COX10: variants seen among roughly 807,000 people sequenced by gnomAD.
COX10 encodes protoheme IX farnesyltransferase, mitochondrial.
In COX10, 27 loss-of-function variants were observed where a neutral mutation model predicts 37.3. The observed-to-expected ratio is 0.72, with a 90% CI of 0.53 to 1.00. The LOEUF (loss-of-function observed/expected upper bound fraction) is 1.00. COX10 is among the 50% of genes least tolerant of loss of function. The pLI is 0.00. For missense variants in COX10, 475 were observed against 563.2 expected (o/e 0.84, Z 1.59); for synonymous variants, 222 against 229.1 (o/e 0.97, Z 0.28).
intron 3 of COX10, among the ~76,000 whole-genome samples, chr17:14,084,123 C>T (rs982714184): frequency 1.3e-5 from 2 of 151,936 alleles, no homozygotes; most frequent in East Asian, 1.9e-4. Flanking sequence ...CATTTTAGAT[C>T]ACTTGTATAG....
At chr17:14,092,633 T>C (rs1244907561) in intron 3 of COX10, among the ~76,000 whole-genome samples, 1 of 152,172 alleles carries the variant, frequency 6.6e-6, no homozygotes, top group East Asian at 1.9e-4. Context: ...TTCTCTGATA[T>C]GTCTCTTGAG....
rs535633198 is a variant in COX10, at chr17:14,171,443, T to C, written c.695+11496T>C. ...GACTAAGGCACACTTCTGTGTCTTG[T>C]GGGGTTCTGAGTCATGAAGCACCTC... On this transcript the variant is annotated intron_variant, in intron 5 of 6. Coordinates refer to ENST00000261643, the MANE Select transcript of COX10 (RefSeq NM_001303.4). Among the ~76,000 whole-genome samples, 33 of 151,698 alleles carry C rather than the reference T, an allele frequency of 2.2e-4. No homozygotes were observed. In the South Asian group the frequency reaches 6.9e-3, roughly 32 times the overall value.
Position 14,069,620 on chromosome 17 carries a change from G to A in COX10, c.15G>A (p.Pro5=), listed in dbSNP as rs755668780. ...ACTCGTAAATTATGGCCGCATCTCC[G>A]CACACTCTCTCCTCACGCCTCCTGA... is the stretch of plus-strand genomic sequence containing the variant. The part of the protein sequence containing the change: MAAS[P]HTLSSRLLTG... Residue 5 remains proline (P), a synonymous_variant, in exon 1 of 7, where the codon CCG becomes CCA. Coordinates refer to ENST00000261643, the MANE Select transcript of COX10 (RefSeq NM_001303.4). 2.5e-6 allele frequency: 4 copies of A among 1,614,062 alleles called. No individual in the cohort carries two copies. In the East Asian group the frequency reaches 6.7e-5, roughly 27 times the overall value.
chr17:14,151,834 C>T (rs894237932), intron 4 of COX10, among the ~76,000 whole-genome samples: 2 of 152,124 alleles, frequency 1.3e-5, no homozygotes, highest in African/African-American at 2.4e-5. Flanking sequence ...AGAATATGGA[C>T]TCTAACAGGC....
rs1905206061 is a variant in COX10, at chr17:14,163,242, T to TTTATTTA, written c.695+3298_695+3304dup. Among the ~76,000 whole-genome samples the TTTATTTA allele has an allele frequency of 8.0e-5, 12 of 150,414 alleles. No homozygotes were observed. The South Asian group carries it at 2.5e-3, about 32-fold the overall frequency. ...GCATGGCATAAGACAGGAAAATTTA[T>TTTATTTA]TTATTTATTTATTTATTTATTTATT... On this transcript the variant is annotated intron_variant, in intron 5 of 6. Coordinates refer to ENST00000261643, the MANE Select transcript of COX10 (RefSeq NM_001303.4).
chr17:14,130,433 C>A (rs1916438146), intron 4 of COX10, among the ~76,000 whole-genome samples: 1 of 152,032 alleles, frequency 6.6e-6, no homozygotes, highest in African/African-American at 2.4e-5. Flanking sequence ...ACAAATAATA[C>A]ATATAATAAT....
At chr17:14,144,369 G>C (rs1251589545) in intron 4 of COX10, among the ~76,000 whole-genome samples, 1 of 152,060 alleles carries the variant, frequency 6.6e-6, no homozygotes, top group African/African-American at 2.4e-5. Flanking sequence ...CCTTGTTAAT[G>C]TTGTCAGTAA....
At chr17:14,095,002 GA>G (rs769018924) in intron 3 of COX10, among the ~76,000 whole-genome samples, 21 of 149,256 alleles carry the variant, frequency 1.4e-4, no homozygotes, top group Non-Finnish European at 2.7e-4. Flanking sequence ...GTTGTGCTAA[GA>G]AAAAAAAAAG....
At chr17:14,163,300 G>T (rs984218958) in intron 5 of COX10, among the ~76,000 whole-genome samples, 1 of 151,374 alleles carries the variant, frequency 6.6e-6, no homozygotes, top group African/African-American at 2.4e-5. Context: ...CTCTTGCCCA[G>T]GCTAGAGTGA....
intron 4 of COX10, 127 bp from the exon 5 acceptor site, chr17:14,159,750 C>T: frequency 2.9e-6 from 2 of 692,318 alleles, no homozygotes; most frequent in East Asian, 2.8e-5. Context: ...CAAGAAGTGC[C>T]AGGGTATTGA....
intron 4 of COX10, among the ~76,000 whole-genome samples, chr17:14,110,416 G>A (rs1464396181): frequency 6.6e-6 from 1 of 151,968 alleles, no homozygotes; most frequent in Non-Finnish European, 1.5e-5. Flanking sequence ...GTGGAAAAGG[G>A]TGATTCAAAA....
At chr17:14,168,478 C>T (rs1322847642) in intron 5 of COX10, among the ~76,000 whole-genome samples, 1 of 152,212 alleles carries the variant, frequency 6.6e-6, no homozygotes, top group Non-Finnish European at 1.5e-5. Context: ...TATGGGGGCT[C>T]CAACCCCACA....
intron 5 of COX10, among the ~76,000 whole-genome samples, chr17:14,184,468 G>A (rs1382337218): frequency 1.3e-5 from 2 of 152,178 alleles, no homozygotes; most frequent in Non-Finnish European, 2.9e-5. Flanking sequence ...GAATAGTAGA[G>A]TGAGTACAGT....
chr17:14,153,559 T>C (rs1030328212), intron 4 of COX10, among the ~76,000 whole-genome samples: 1 of 152,228 alleles, frequency 6.6e-6, no homozygotes, highest in African/African-American at 2.4e-5. Context: ...TTTCTTCTGA[T>C]AGCCAGTCCC....
intron 4 of COX10, among the ~76,000 whole-genome samples, chr17:14,159,274 A>G (rs1940003758): frequency 6.6e-6 from 1 of 152,222 alleles, no homozygotes; most frequent in Non-Finnish European, 1.5e-5. Flanking sequence ...GGTTCTTTAC[A>G]TCAGTAGCCC....
At chr17:14,090,586 A>G (rs190436591) in intron 3 of COX10, among the ~76,000 whole-genome samples, 2 of 152,274 alleles carry the variant, frequency 1.3e-5, no homozygotes, top group Non-Finnish European at 2.9e-5. Flanking sequence ...TTATCTGTAG[A>G]TGGAGAGTGA....
intron 5 of COX10, among the ~76,000 whole-genome samples, chr17:14,163,533 G>A (rs1905214825): frequency 6.6e-6 from 1 of 152,152 alleles, no homozygotes; most frequent in South Asian, 2.1e-4. Context: ...TGGGATTACA[G>A]GCATGAGCCA....
At chr17:14,175,753 A>G (rs1308299444) in intron 5 of COX10, among the ~76,000 whole-genome samples, 1 of 151,460 alleles carries the variant, frequency 6.6e-6, no homozygotes. Flanking sequence ...ATACAGAACA[A>G]TTGGGAGAGA....
chr17:14,098,272 G>A (rs530717805), intron 3 of COX10, among the ~76,000 whole-genome samples: 2 of 152,282 alleles, frequency 1.3e-5, no homozygotes, highest in Admixed American at 1.3e-4. Context: ...GATTTTAAGA[G>A]AGAAACCTCT....
Sources: gnomAD v4.1 joint callset for allele counts (sites outside exome capture counted in the v4.1 genomes callset) on GRCh38, gnomAD v4.1.1 for gene constraint, MANE v1.5 for transcripts, NCBI Gene and HGNC (gene_info 2026-07-23, HGNC 2026-07-21) for gene names.